The following BRPF1 variants were observed in gnomAD, a reference collection of about 807,000 sequenced individuals.
The protein encoded by BRPF1 is peregrin.
Under a neutral mutation model 115.0 loss-of-function variants are expected in BRPF1, and 15 were observed. The ratio of observed to expected loss-of-function variants is 0.13; its 90% confidence interval spans 0.09 to 0.20. The LOEUF (loss-of-function observed/expected upper bound fraction) is 0.20, where lower values mean the gene tolerates loss of function less well. BRPF1 is among the 10% of genes least tolerant of loss of function. BRPF1 has a pLI of 1.00. For synonymous variants in BRPF1, 647 were observed against 619.8 expected, an observed-to-expected ratio of 1.04 and a Z score of -0.65; for missense variants, 1,118 against 1,638.3, an observed-to-expected ratio of 0.68 and a Z score of 5.48.
chr3:9,742,066 T>C lies in BRPF1; in HGVS notation c.1896T>C (p.Pro632=), dbSNP rs1339244636. 3.1e-6 allele frequency: 5 copies of C among 1,614,206 alleles called. No homozygotes were observed. The highest frequency in any genetic ancestry group is 4.2e-6 in the Non-Finnish European group (5 of 1,180,034). ...QQIAMEMQLT[P]FLILLRKTLE... Reference sequence around the variant, plus strand: ...TTGCCATGGAGATGCAGCTGACTCCTTTCCTCATCCTCCTTCGCAAAACCT... The same window carrying C: ...TTGCCATGGAGATGCAGCTGACTCCCTTCCTCATCCTCCTTCGCAAAACCT... The change falls in exon 6 of 14, where the codon CCT becomes CCC. Residue 632 remains proline, a synonymous_variant. Coordinates refer to ENST00000383829, the MANE Select transcript of BRPF1 (RefSeq NM_001003694.2).
At chr3:9,746,577 GACTTAGA>G in intron 13 of BRPF1, 123 bp downstream of exon 13, 6 of 1,220,144 alleles carry the variant, frequency 4.9e-6, no homozygotes, top group Non-Finnish European at 6.5e-6. Context: ...GTGGGGGAGG[GACTTAGA>G]ACAGTTTTTT....
At chr3:9,741,282 C>T (rs370625209) in intron 4 of BRPF1, 26 bp from the exon 5 acceptor site, 4 of 1,543,642 alleles carry the variant, frequency 2.6e-6, no homozygotes, top group African/African-American at 1.4e-5. Flanking sequence ...TCTAATCATC[C>T]TCTGATCTTC....
chr3:9,747,340 T>C lies in BRPF1; in HGVS notation c.3654T>C (p.Asp1218=), dbSNP rs775432616. The C allele has an allele frequency of 6.2e-7, 1 of 1,613,820 alleles. No homozygotes were observed. ...VQGEQSSETS[D]SD ...GCGAGCAGAGCAGTGAGACCAGCGA[T>C]AGTGATTGATACTGCTCAACACAGC... Residue 1218 remains aspartate, a synonymous_variant, in exon 14 of 14, where the codon GAT becomes GAC. Coordinates refer to ENST00000383829, the MANE Select transcript of BRPF1 (RefSeq NM_001003694.2). The surrounding 1 kb of genome is among the most constrained non-coding windows in gnomAD (Gnocchi z 5.6).
At chr3:9,741,280 TC>T in intron 4 of BRPF1, 27 bp from the exon 5 acceptor site, 1 of 1,539,626 alleles carries the variant, frequency 6.5e-7, no homozygotes, top group Non-Finnish European at 8.8e-7. Flanking sequence ...TTTCTAATCA[TC>T]CTCTGATCTT....
At position 9,739,210 on chromosome 3, in the gene BRPF1, G is replaced by A. The variant is rs1411926343; in HGVS notation, c.811G>A (p.Asp271Asn). 1.9e-6 allele frequency: 3 copies of A among 1,613,620 alleles called. No individual in the cohort carries two copies. In the African/African-American group the frequency reaches 4.0e-5, roughly 22 times the overall value. ...HNKGDPNALV[D>N]EDAVCCICND... ...TAAAGGCGACCCTAATGCGCTAGTG[G>A]ACGAGGATGCTGTTTGCTGTATCTG... The change falls in exon 3 of 14, where the codon GAC becomes AAC. Residue 271 changes from aspartate to asparagine, a missense_variant. Physicochemically the swap from Asp to Asn is conservative, Grantham distance 23. Coordinates refer to ENST00000383829, the MANE Select transcript of BRPF1 (RefSeq NM_001003694.2).
rs749755361 is a variant in BRPF1, at chr3:9,739,786, G to A, written c.1387G>A (p.Glu463Lys). 18 of 1,613,488 alleles carry A rather than the reference G, an allele frequency of 1.1e-5. No homozygotes were observed. The highest frequency in any genetic ancestry group is 2.7e-5 in the African/African-American group (2 of 75,046). The stretch of plus-strand genomic sequence containing the variant: ...CCGACTGCCTGCCCTGTCCCACAGC[G>A]AGGGTGAGGAGGATGAAGATGAGGA... ...ARRLPALSHS[E>K]GEEDEDEEED... Residue 463 changes from glutamate (E) to lysine (K), a missense_variant, in exon 3 of 14, where the codon GAG (glutamate) becomes AAG (lysine). Coordinates refer to ENST00000383829, the MANE Select transcript of BRPF1 (RefSeq NM_001003694.2).
In BRPF1 at chr3:9,740,979, C is replaced by T. The variant is rs953003597; in HGVS notation, c.1722+38C>T. The T allele has an allele frequency of 5.7e-6, 9 of 1,584,132 alleles. No individual in the cohort carries two copies. The African/African-American group carries it at 6.7e-5, about 12-fold the overall frequency. On this transcript the variant is annotated intron_variant, in intron 4 of 13. Transcript: ENST00000383829. ...GTTCCCTGTGGGCTCTGGGAACTAG[C>T]GCCAGGGGGACGAAAACCAAAATTT...
rs1206235850 is a variant in BRPF1, at chr3:9,734,776, G to T, written c.599+37G>T. The T allele has an allele frequency of 1.2e-6, 2 of 1,606,354 alleles. No individual in the cohort carries two copies. Among genetic ancestry groups the T allele is most frequent in the African/African-American group, 1.3e-5 (1 of 74,724 alleles). The stretch of plus-strand genomic sequence containing the variant: ...TCTACCTTGCAGCTCTGGAAAACTG[G>T]TCAAGCAGGGCTCACTAGCCAGAGA... On this transcript the variant is annotated intron_variant, in intron 2 of 13. Transcript: ENST00000383829. This position sits in a 1 kb window ranked among gnomAD's most constrained non-coding sequence, Gnocchi z 5.7.
rs756538836 is a variant in BRPF1 at position 9,743,293 on chromosome 3, C to T, written c.2311+40C>T. 9.5e-6 allele frequency: 15 copies of T among 1,575,128 alleles called. No homozygotes were observed. Among genetic ancestry groups the T allele is most frequent in the Non-Finnish European group, 1.2e-5 (14 of 1,158,154 alleles). ...ACACACACATATAAGAGGCCAATGC[C>T]GGGGATGGACAGCTTTCCAAAAGTC... On this transcript the variant is annotated intron_variant, in intron 7 of 13. Coordinates refer to ENST00000383829, the MANE Select transcript of BRPF1 (RefSeq NM_001003694.2). The surrounding 1 kb of genome is among the most constrained non-coding windows in gnomAD (Gnocchi z 6.1).
rs931822189 is a variant in BRPF1, at chr3:9,747,130, T to C, written c.3480-36T>C. On this transcript the variant is annotated intron_variant, in intron 13 of 13. Coordinates refer to ENST00000383829, the MANE Select transcript of BRPF1 (RefSeq NM_001003694.2). This position sits in a 1 kb window ranked among gnomAD's most constrained non-coding sequence, Gnocchi z 5.6. ...GAGGAAGGCTGGTCCTTGTTCTCCC[T>C]GAGATGATTTATTTGATCTTCACCT... 1.2e-6 allele frequency: 2 copies of C among 1,603,376 alleles called. No individual in the cohort carries two copies. Among genetic ancestry groups the C allele is most frequent in the African/African-American group, 1.3e-5 (1 of 74,836 alleles).
At position 9,741,292 on chromosome 3, in the gene BRPF1, C is replaced by A. The variant is rs777009625; in HGVS notation, c.1723-16C>A. 1.3e-6 allele frequency: 2 copies of A among 1,549,248 alleles called. No homozygotes were observed. The highest frequency in any genetic ancestry group is 1.4e-5 in the African/African-American group (1 of 72,282). On this transcript the variant is annotated splice_polypyrimidine_tract_variant and intron_variant, in intron 4 of 13. Transcript: ENST00000383829. ...GGCTTTCTAATCATCCTCTGATCTT[C>A]GTTTTGCCTCTACAGAGAGATTCTG...
chr3:9,741,328 C>G lies in BRPF1; in HGVS notation c.1743C>G (p.Asn581Lys). The change falls in exon 5 of 14, where the codon AAC (asparagine) becomes AAG (lysine). Residue 581 changes from asparagine to lysine, a missense_variant. Physicochemically the swap from Asn to Lys is moderately conservative, Grantham distance 94. Transcript: ENST00000383829. ...DQVGRDSEDK[N>K]WALKEQLKSW... is the part of the protein sequence containing the mutation. ...TACAGAGAGATTCTGAGGATAAGAACTGGGCCCTTAAAGAACAGCTCAAGT... is the reference window on the plus strand; with the variant it reads ...TACAGAGAGATTCTGAGGATAAGAAGTGGGCCCTTAAAGAACAGCTCAAGT... 6.3e-7 allele frequency: 1 copy of G among 1,594,596 alleles called. No homozygotes were observed. The highest frequency in any genetic ancestry group is 8.6e-7 in the Non-Finnish European group (1 of 1,166,948).
At position 9,747,281 on chromosome 3, in the gene BRPF1, C is replaced by G; in HGVS notation, c.3595C>G (p.His1199Asp). 6.2e-7 allele frequency: 1 copy of G among 1,614,200 alleles called. No homozygotes were observed. Among genetic ancestry groups the G allele is most frequent in the Non-Finnish European group, 8.5e-7 (1 of 1,180,048 alleles). The part of the protein sequence containing the change: ...NIRKSVQIAY[H>D]RALQHRSKVQ... Reference sequence around the variant, plus strand: ...CCGCAAGTCAGTACAGATCGCCTACCACAGGGCTCTGCAGCACCGCAGCAA... The same window carrying G: ...CCGCAAGTCAGTACAGATCGCCTACGACAGGGCTCTGCAGCACCGCAGCAA... Residue 1199 changes from histidine to aspartate, a missense_variant, in exon 14 of 14, where the codon CAC becomes GAC. His to Asp is a moderately conservative substitution (Grantham distance 81, BLOSUM62 -1). Around this residue, in one of 10 missense-constraint regions of BRPF1, gnomAD observed 76 missense variants for 166.1 expected, o/e 0.46. Coordinates refer to ENST00000383829, the MANE Select transcript of BRPF1 (RefSeq NM_001003694.2). This position sits in a 1 kb window ranked among gnomAD's most constrained non-coding sequence, Gnocchi z 5.6.
Position 9,741,979 on chromosome 3 carries a change from A to G in BRPF1, c.1855-46A>G, listed in dbSNP as rs533060477. ...GACCATATCCTCAGACCTCTTTGCC[A>G]CTGAACTGGCCGAGGCCTGGCTGAT... On this transcript the variant is annotated intron_variant, in intron 5 of 13. Transcript: ENST00000383829. 35 of 1,609,008 alleles carry G rather than the reference A, an allele frequency of 2.2e-5. No individual in the cohort carries two copies. The South Asian group carries it at 3.2e-4, about 15-fold the overall frequency.
At position 9,743,287 on chromosome 3, in the gene BRPF1, C is replaced by G; in HGVS notation, c.2311+34C>G. The G allele has an allele frequency of 6.3e-7, 1 of 1,585,544 alleles. No homozygotes were observed. Among genetic ancestry groups the G allele is most frequent in the South Asian group, 1.1e-5 (1 of 87,398 alleles). On this transcript the variant is annotated intron_variant, in intron 7 of 13. Coordinates refer to ENST00000383829, the MANE Select transcript of BRPF1 (RefSeq NM_001003694.2). The surrounding 1 kb of genome is among the most constrained non-coding windows in gnomAD (Gnocchi z 6.1). ...TATATCACACACACATATAAGAGGCCAATGCCGGGGATGGACAGCTTTCCA... is the reference window on the plus strand; with the variant it reads ...TATATCACACACACATATAAGAGGCGAATGCCGGGGATGGACAGCTTTCCA...
At position 9,743,048 on chromosome 3, in the gene BRPF1, C is replaced by T. The variant is rs774161845; in HGVS notation, c.2106C>T (p.Asp702=). 1.2e-6 allele frequency: 2 copies of T among 1,614,252 alleles called. No homozygotes were observed. Among genetic ancestry groups the T allele is most frequent in the Non-Finnish European group, 1.7e-6 (2 of 1,180,056 alleles). Residue 702 remains aspartate (D), a synonymous_variant, in exon 7 of 14, where the codon GAC becomes GAT. Coordinates refer to ENST00000383829, the MANE Select transcript of BRPF1 (RefSeq NM_001003694.2). The surrounding 1 kb of genome is among the most constrained non-coding windows in gnomAD (Gnocchi z 6.1). The stretch of plus-strand genomic sequence containing the variant: ...TGAATTTTGATGATTTTGAGGAGGA[C>T]TTCAACCTCATCGTCAGCAACTGCC... ...RYLNFDDFEE[D]FNLIVSNCLK... is the part of the protein sequence containing the mutation.
chr3:9,743,294 G>A lies in BRPF1; in HGVS notation c.2311+41G>A, dbSNP rs998149055. Reference sequence around the variant, plus strand: ...CACACACATATAAGAGGCCAATGCCGGGGATGGACAGCTTTCCAAAAGTCC... The same window carrying A: ...CACACACATATAAGAGGCCAATGCCAGGGATGGACAGCTTTCCAAAAGTCC... On this transcript the variant is annotated intron_variant, in intron 7 of 13. Coordinates refer to ENST00000383829, the MANE Select transcript of BRPF1 (RefSeq NM_001003694.2). The surrounding 1 kb of genome is among the most constrained non-coding windows in gnomAD (Gnocchi z 6.1). The A allele has an allele frequency of 8.9e-6, 14 of 1,575,062 alleles. No homozygotes were observed. Among genetic ancestry groups the A allele is most frequent in the Middle Eastern group, 4.3e-4 (2 of 4,606 alleles).
chr3:9,747,141 A>G lies in BRPF1; in HGVS notation c.3480-25A>G. 6.2e-7 allele frequency: 1 copy of G among 1,612,782 alleles called. No homozygotes were observed. Among genetic ancestry groups the G allele is most frequent in the South Asian group, 1.1e-5 (1 of 91,038 alleles). ...GTCCTTGTTCTCCCTGAGATGATTT[A>G]TTTGATCTTCACCTTATCCTATAGG... On this transcript the variant is annotated intron_variant, in intron 13 of 13. Coordinates refer to ENST00000383829, the MANE Select transcript of BRPF1 (RefSeq NM_001003694.2). The surrounding 1 kb of genome is among the most constrained non-coding windows in gnomAD (Gnocchi z 5.6).
rs778028165 is a variant in BRPF1, at chr3:9,743,916, G to A, written c.2635+15G>A. On this transcript the variant is annotated intron_variant, in intron 8 of 13. Transcript: ENST00000383829. The surrounding 1 kb of genome is among the most constrained non-coding windows in gnomAD (Gnocchi z 6.1). ...GACAAGCAAAGGTCTGAATCCCATG[G>A]CAAGGTGGACCCCAAAGCAAGTCAG... is the stretch of plus-strand genomic sequence containing the variant. 3.2e-6 allele frequency: 5 copies of A among 1,548,590 alleles called. No homozygotes were observed. Among genetic ancestry groups the A allele is most frequent in the Non-Finnish European group, 3.5e-6 (4 of 1,143,474 alleles).
Sources: allele counts gnomAD v4.1 joint callset, GRCh38; gene constraint gnomAD v4.1.1; regional missense constraint gnomAD v4.1.1; non-coding constraint Gnocchi (gnomAD v3.1); transcripts MANE v1.5; gene names NCBI Gene and HGNC (gene_info 2026-07-23, HGNC 2026-07-21).